Variants in TTC7A observed in about 807,000 individuals in gnomAD.
The protein encoded by TTC7A is tetratricopeptide repeat protein 7A.
TTC7A carries 110 observed loss-of-function variants against 103.7 expected under a neutral mutation model. That is an observed-to-expected ratio of 1.06 (90% CI 0.91 to 1.24). TTC7A has a LOEUF of 1.24. Ranked by LOEUF, TTC7A falls within the 50% of genes most tolerant of loss-of-function variation. The pLI is 0.00. For missense variants in TTC7A, 1,340 were observed against 1,116.3 expected (o/e 1.20, Z -2.86); for synonymous variants, 521 against 467.9 (o/e 1.11, Z -1.47).
intron 3 of TTC7A, among the ~76,000 whole-genome samples, chr2:46,957,261 A>G (rs1333458120): frequency 6.6e-6 from 1 of 152,232 alleles, no homozygotes; most frequent in African/African-American, 2.4e-5. Flanking sequence ...CCCTTGGGCA[A>G]TCACCTCTTC....
At chr2:46,916,527 C>T (rs140556786) in exon 1 of TTC7A, 3 of 152,672 alleles carry the variant, frequency 2.0e-5, no homozygotes, top group African/African-American at 7.2e-5. Context: ...CGAATTCATC[C>T]CTGTATAATC....
chr2:47,070,239 T>C (rs1268815426), intron 19 of TTC7A, among the ~76,000 whole-genome samples: 1 of 152,182 alleles, frequency 6.6e-6, no homozygotes, highest in African/African-American at 2.4e-5. Context: ...CCACACACTG[T>C]GCCTCTGCAG....
At chr2:46,966,045 G>A (rs958162091) in intron 3 of TTC7A, among the ~76,000 whole-genome samples, 1 of 151,988 alleles carries the variant, frequency 6.6e-6, no homozygotes, top group African/African-American at 2.4e-5. Flanking sequence ...CACCTCCCGG[G>A]TTCAAGCAAT....
chr2:46,958,578 G>A (rs746858014), intron 3 of TTC7A: 48 of 1,297,092 alleles, frequency 3.7e-5, no homozygotes, highest in Admixed American at 7.1e-5. Flanking sequence ...CTGCCGGCGC[G>A]GGCTGCTTGG....
At chr2:47,064,097 G>T (rs1040852369) in intron 19 of TTC7A, among the ~76,000 whole-genome samples, 2 of 152,216 alleles carry the variant, frequency 1.3e-5, no homozygotes, top group African/African-American at 4.8e-5. Context: ...TCAGCTTAGG[G>T]TTTTCTACCC....
intron 8 of TTC7A, chr2:46,999,641 C>T: frequency 1.0e-6 from 1 of 985,456 alleles, no homozygotes; most frequent in Non-Finnish European, 1.2e-6. Context: ...ATGACCCCAG[C>T]CTGCTGAACC....
chr2:46,956,305 A>G (rs1671848591), intron 2 of TTC7A, among the ~76,000 whole-genome samples: 1 of 151,564 alleles, frequency 6.6e-6, no homozygotes, highest in South Asian at 2.1e-4. Context: ...CTCCTCCTCA[A>G]TCTGTCCCTC....
intron 2 of TTC7A, chr2:46,951,584 T>A (rs1229397174): frequency 2.2e-6 from 1 of 454,478 alleles, no homozygotes; most frequent in African/African-American, 2.0e-5. Context: ...TCTTTCTGTC[T>A]GTCTTTATTT....
At chr2:47,065,152 T>TG (rs1426308934) in intron 19 of TTC7A, among the ~76,000 whole-genome samples, 2 of 151,962 alleles carry the variant, frequency 1.3e-5, no homozygotes, top group Non-Finnish European at 2.9e-5. Context: ...CCGGGCGTGG[T>TG]GGTGGGCGCC....
intron 2 of TTC7A, among the ~76,000 whole-genome samples, chr2:46,923,692 G>C (rs1669231109): frequency 6.6e-6 from 1 of 152,002 alleles, no homozygotes; most frequent in African/African-American, 2.4e-5. Context: ...AGGAGTTTGA[G>C]ACCAGCCTGC....
At chr2:46,978,684 C>T in intron 4 of TTC7A, 108 bp from the exon 5 acceptor site, 2 of 749,466 alleles carry the variant, frequency 2.7e-6, no homozygotes, top group South Asian at 1.7e-5. Context: ...CAACAATGTG[C>T]CCCTGAACAA....
At chr2:47,005,895 C>G (rs922118218) in intron 8 of TTC7A, 27 bp from the exon 9 acceptor site, 1 of 1,613,602 alleles carries the variant, frequency 6.2e-7, no homozygotes, top group South Asian at 1.1e-5. Flanking sequence ...TCTCCTCACT[C>G]TTTCCCAAAC....
chr2:47,007,913 C>A lies in TTC7A; in HGVS notation c.1287+1189C>A, dbSNP rs1677595961. Among the ~76,000 whole-genome samples, 1 of 152,240 alleles carries A rather than the reference C, an allele frequency of 6.6e-6. No homozygotes were observed. The highest frequency in any genetic ancestry group is 6.5e-5 in the Admixed American group (1 of 15,276). On this transcript the variant is annotated intron_variant, in intron 10 of 19. Transcript: ENST00000319190. The surrounding 1 kb of genome is among the most constrained non-coding windows in gnomAD (Gnocchi z 4.9). ...GGAGAATTCAGAACACAGGGCAAGG[C>A]CCTGGCCCTCCAAGGGTTAGAGAGT... is the stretch of plus-strand genomic sequence containing the variant.
At chr2:47,013,070 T>C (rs947464636) in intron 11 of TTC7A, among the ~76,000 whole-genome samples, 8 of 152,168 alleles carry the variant, frequency 5.3e-5, no homozygotes. Flanking sequence ...AGTTTTCTCA[T>C]CTGTAAAATG....
At chr2:46,939,707 A>G (rs1379220667), upstream of TTC7A, among the ~76,000 whole-genome samples, 1 of 152,234 alleles carries the variant, frequency 6.6e-6, no homozygotes, top group East Asian at 1.9e-4. Flanking sequence ...CAGGAATGCC[A>G]GGCGTGGGGC....
intron 2 of TTC7A, among the ~76,000 whole-genome samples, chr2:46,951,115 C>A (rs1029328817): frequency 7.9e-5 from 12 of 152,144 alleles, no homozygotes; most frequent in Admixed American, 7.9e-4. Flanking sequence ...AGCTCCATAA[C>A]AGGGCAAGCC....
chr2:46,986,764 G>A (rs1350106144), intron 5 of TTC7A, among the ~76,000 whole-genome samples: 1 of 152,208 alleles, frequency 6.6e-6, no homozygotes, highest in African/African-American at 2.4e-5. Context: ...GATGGCCACA[G>A]GCAGTGCCCG....
intron 16 of TTC7A, among the ~76,000 whole-genome samples, chr2:47,047,763 G>A (rs1053330185): frequency 6.6e-6 from 1 of 152,210 alleles, no homozygotes; most frequent in Non-Finnish European, 1.5e-5. Flanking sequence ...GCCTCCCTTG[G>A]AGCAGCAGAA....
chr2:47,004,967 C>G (rs966469403), intron 8 of TTC7A, among the ~76,000 whole-genome samples: 1 of 152,128 alleles, frequency 6.6e-6, no homozygotes, highest in Non-Finnish European at 1.5e-5. Context: ...AGTCCCACAT[C>G]CTTGATGGGG....
Sources: gnomAD v4.1 joint callset for allele counts (sites outside exome capture counted in the v4.1 genomes callset) on GRCh38, gnomAD v4.1.1 for gene constraint, Gnocchi (gnomAD v3.1) non-coding constraint, MANE v1.5 for transcripts, NCBI Gene and HGNC (gene_info 2026-07-23, HGNC 2026-07-21) for gene names.